The following SEMA3A variants were observed in gnomAD, a reference collection of about 807,000 sequenced individuals.
SEMA3A encodes the protein semaphorin 3A.
A neutral mutation model predicts 97.9 loss-of-function variants in SEMA3A; 29 were observed. The ratio of observed to expected loss-of-function variants is 0.30; its 90% CI spans 0.22 to 0.40. SEMA3A has a LOEUF of 0.40. Among genes scored for constraint, SEMA3A ranks in the 10% least tolerant of loss-of-function variants. The pLI, the probability that SEMA3A is intolerant of heterozygous loss-of-function variation, is 1.00. For missense variants in SEMA3A, 763 were observed against 951.3 expected (o/e 0.80, Z 2.60); for synonymous variants, 321 against 323.7 (o/e 0.99, Z 0.09).
intron 7 of SEMA3A, among the ~76,000 whole-genome samples, chr7:84,012,655 C>A (rs534113263): frequency 6.6e-6 from 1 of 152,092 alleles, no homozygotes; most frequent in Non-Finnish European, 1.5e-5. Context: ...ACAAACAACA[C>A]GTTGAGAAAA....
chr7:84,369,197 G>A (rs574983889), intron 2 of SEMA3A, among the ~76,000 whole-genome samples: 142 of 151,002 alleles, frequency 9.4e-4, no homozygotes, highest in African/African-American at 3.3e-3. Flanking sequence ...TTATGAATTT[G>A]GGATGTCTGG....
At chr7:84,004,119 C>T (rs1790566836) in intron 11 of SEMA3A, among the ~76,000 whole-genome samples, 1 of 152,018 alleles carries the variant, frequency 6.6e-6, no homozygotes, top group African/African-American at 2.4e-5. Context: ...TTCAGTGGAG[C>T]ACTCACTCTG....
chr7:84,157,265 A>G (rs1221715105), intron 1 of SEMA3A, among the ~76,000 whole-genome samples: 4 of 152,174 alleles, frequency 2.6e-5, no homozygotes, highest in Non-Finnish European at 4.4e-5. Context: ...ACATGCAACA[A>G]TGCAGGTATA....
At chr7:84,273,906 C>T (rs1323434005) in intron 3 of SEMA3A, among the ~76,000 whole-genome samples, 1 of 151,952 alleles carries the variant, frequency 6.6e-6, no homozygotes, top group African/African-American at 2.4e-5. Context: ...TTGTCTGTCT[C>T]ATTATGGGTC....
At chr7:84,380,802 G>A (rs954068483) in intron 1 of SEMA3A, among the ~76,000 whole-genome samples, 1 of 152,126 alleles carries the variant, frequency 6.6e-6, no homozygotes, top group East Asian at 1.9e-4. Context: ...TCTGGTCCAT[G>A]CACAAAAACC....
intron 1 of SEMA3A, among the ~76,000 whole-genome samples, chr7:84,149,114 A>T (rs1438849548): frequency 6.6e-6 from 1 of 152,202 alleles, no homozygotes; most frequent in Non-Finnish European, 1.5e-5. Context: ...TATCATGTAG[A>T]TAAGTTGGAC....
intron 16 of SEMA3A, among the ~76,000 whole-genome samples, chr7:83,962,660 C>T (rs1788517678): frequency 6.6e-6 from 1 of 152,052 alleles, no homozygotes; most frequent in Admixed American, 6.6e-5. Flanking sequence ...ATTCTTTACT[C>T]TTATGGAATT....
rs549395813 is a variant in SEMA3A at position 84,375,464 on chromosome 7, G to C, written c.-245-3564C>G. On this transcript the variant is annotated intron_variant, in intron 1 of 3. Coordinates refer to the SEMA3A transcript ENST00000424555. ...TAAAATCTTCTTCAGTATCAGGGTT[G>C]AACAGAGTGCTTTGGGGAATTATTT... 8.1e-4 allele frequency among the ~76,000 whole-genome samples: 123 copies of C among 152,234 alleles called. 3 individuals are homozygous for C. The South Asian group carries it at 0.024, about 30-fold the overall frequency.
intron 1 of SEMA3A, among the ~76,000 whole-genome samples, chr7:84,378,794 AAAATGT>A (rs1164648688): frequency 6.6e-6 from 1 of 152,176 alleles, no homozygotes; most frequent in Non-Finnish European, 1.5e-5. Context: ...TTAAAAACTC[AAAATGT>A]AAATTGGAAG....
chr7:84,315,892 T>A (rs1283547577), intron 2 of SEMA3A, among the ~76,000 whole-genome samples: 1 of 151,890 alleles, frequency 6.6e-6, no homozygotes, highest in Non-Finnish European at 1.5e-5. Context: ...GGATTACTCT[T>A]TTTCACATTT....
intron 3 of SEMA3A, among the ~76,000 whole-genome samples, chr7:84,299,793 A>C: frequency 4.1e-4 from 1 of 2,430 alleles, no homozygotes; most frequent in Non-Finnish European, 8.6e-4. Context: ...AAGCAAACAA[A>C]TGAATAAGAC....
At chr7:84,267,652 TG>T (rs200861018) in intron 3 of SEMA3A, among the ~76,000 whole-genome samples, 4,977 of 152,230 alleles carry the variant, frequency 0.033, 97 homozygotes, top group South Asian at 0.046. Flanking sequence ...GATGATTTTG[TG>T]GCTGTGTGTG....
At chr7:84,206,456 G>A (rs1290535914) in intron 3 of SEMA3A, among the ~76,000 whole-genome samples, 1 of 151,592 alleles carries the variant, frequency 6.6e-6, no homozygotes, top group Non-Finnish European at 1.5e-5. Context: ...CCAAGTAGCT[G>A]GGACTATAGG....
At chr7:84,253,142 T>C (rs1031068780) in intron 3 of SEMA3A, among the ~76,000 whole-genome samples, 3 of 152,178 alleles carry the variant, frequency 2.0e-5, no homozygotes, top group Non-Finnish European at 2.9e-5. Context: ...CCTCCCAAAG[T>C]GCAGAGATTA....
chr7:84,079,448 A>C (rs2115790769), intron 4 of SEMA3A, among the ~76,000 whole-genome samples: 1 of 150,960 alleles, frequency 6.6e-6, no homozygotes, highest in East Asian at 1.9e-4. Context: ...TTCGCAACCT[A>C]CTCATCTGAC....
chr7:84,079,144 T>C (rs1237663161), intron 4 of SEMA3A, among the ~76,000 whole-genome samples: 1 of 152,150 alleles, frequency 6.6e-6, no homozygotes, highest in Non-Finnish European at 1.5e-5. Context: ...AGGCATTTAA[T>C]TTGTTTTTTT....
intron 1 of SEMA3A, among the ~76,000 whole-genome samples, chr7:84,178,879 C>T (rs1797652346): frequency 6.6e-6 from 1 of 152,114 alleles, no homozygotes; most frequent in Non-Finnish European, 1.5e-5. Context: ...TAATCAGATG[C>T]TGGTGACACT....
chr7:84,119,860 C>T (rs1795549840), intron 3 of SEMA3A, among the ~76,000 whole-genome samples: 1 of 152,078 alleles, frequency 6.6e-6, no homozygotes, highest in African/African-American at 2.4e-5. Flanking sequence ...AATAAACCTT[C>T]CAGAGTATAA....
chr7:84,398,902 T>C (rs1052155749), intron 1 of SEMA3A, among the ~76,000 whole-genome samples: 7 of 152,144 alleles, frequency 4.6e-5, no homozygotes, highest in African/African-American at 1.7e-4. Context: ...CCAGCAATTG[T>C]ACCCCCCTTG....
Sources: gnomAD v4.1 joint callset for allele counts (sites outside exome capture counted in the v4.1 genomes callset) on GRCh38, gnomAD v4.1.1 for gene constraint, MANE v1.5 for transcripts, NCBI Gene and HGNC (gene_info 2026-07-23, HGNC 2026-07-21) for gene names.